The following AMBRA1 variants were observed in gnomAD, a reference collection of about 807,000 sequenced individuals.
The protein encoded by AMBRA1 is activating molecule in BECN1-regulated autophagy protein 1.
Under a neutral mutation model 125.4 loss-of-function variants are expected in AMBRA1, and 47 were observed. The ratio of observed to expected loss-of-function variants is 0.37; its 90% CI spans 0.30 to 0.48. The LOEUF is 0.48. AMBRA1 is among the 20% of genes least tolerant of loss of function. The pLI is 0.99. For synonymous variants in AMBRA1, 626 were observed against 655.5 expected (o/e 0.95, Z 0.69); for missense variants, 1,331 against 1,693.4 (o/e 0.79, Z 3.76).
rs1171455887 is a variant in AMBRA1, at chr11:46,397,261, C to A, written c.*189G>T. The stretch of plus-strand genomic sequence containing the variant: ...TCCAGATCCTGGAAGGTTCTAGTTC[C>A]CCGAGGCAGGCCTTGCCCATTTGAC... On this transcript the variant is annotated 3_prime_UTR_variant, in exon 18 of 18. Coordinates refer to ENST00000683756, the MANE Select transcript of AMBRA1 (RefSeq NM_001387011.1). 1 of 707,898 alleles carries A rather than the reference C, an allele frequency of 1.4e-6. No homozygotes were observed. The highest frequency in any genetic ancestry group is 2.0e-6 in the Non-Finnish European group (1 of 500,128). The allele number at this position is 707,898 out of a possible 1,614,324, so 43.9% of individuals were successfully genotyped here.
Position 46,572,871 on chromosome 11 carries a change from C to T in AMBRA1, c.-121+20957G>A, listed in dbSNP as rs535384395. Among the ~76,000 whole-genome samples, 4 of 152,000 alleles carry T rather than the reference C, an allele frequency of 2.6e-5. No homozygotes were observed. In the South Asian group the frequency reaches 8.3e-4, roughly 32 times the overall value. ...CACTTTGGGAGGCTGAAGTGGATCA[C>T]CTGAGATCAGGAGTTCAAGACCAGC... On this transcript the variant is annotated intron_variant, in intron 1 of 17. Transcript: ENST00000683756.
intron 9 of AMBRA1, among the ~76,000 whole-genome samples, chr11:46,498,007 A>T (rs1373598041): frequency 6.6e-6 from 1 of 152,136 alleles, no homozygotes; most frequent in Non-Finnish European, 1.5e-5. Flanking sequence ...TACTTAGAAA[A>T]CTACACAGAA....
rs117925059 is a variant in AMBRA1 at position 46,554,388 on chromosome 11, C to A, written c.-120-5888G>T. 9.2e-5 allele frequency among the ~76,000 whole-genome samples: 14 copies of A among 152,160 alleles called. No homozygotes were observed. In the East Asian group the frequency reaches 2.7e-3, roughly 29 times the overall value. ...ACTGTGATGCAACCTCAGATTCCTA[C>A]AGGATTCAGAAAGGGGAAAGAGTAG... is the stretch of plus-strand genomic sequence containing the variant. On this transcript the variant is annotated intron_variant, in intron 1 of 17. Transcript: ENST00000683756.
At chr11:46,455,844 C>T (rs1053046701) in intron 11 of AMBRA1, among the ~76,000 whole-genome samples, 1 of 152,184 alleles carries the variant, frequency 6.6e-6, no homozygotes, top group African/African-American at 2.4e-5. Flanking sequence ...CCTCCCATGA[C>T]ACTGAAACCC....
At chr11:46,405,443 G>A (rs1414816033) in intron 17 of AMBRA1, among the ~76,000 whole-genome samples, 1 of 152,220 alleles carries the variant, frequency 6.6e-6, no homozygotes, top group African/African-American at 2.4e-5. Flanking sequence ...GCCCAGCCGG[G>A]TGCAGTGCTT....
intron 7 of AMBRA1, among the ~76,000 whole-genome samples, chr11:46,516,555 C>T (rs1194008953): frequency 6.6e-6 from 1 of 151,650 alleles, no homozygotes; most frequent in South Asian, 2.1e-4. Context: ...CTCAGCCTCC[C>T]AAGTAGCTGG....
At chr11:46,517,396 G>A (rs1230087282) in intron 7 of AMBRA1, among the ~76,000 whole-genome samples, 24 of 145,872 alleles carry the variant, frequency 1.6e-4, no homozygotes, top group African/African-American at 3.8e-4. Flanking sequence ...TGATCCACCC[G>A]CCTCGGCCTC....
chr11:46,537,311 G>A (rs980589315), intron 7 of AMBRA1, among the ~76,000 whole-genome samples: 5 of 152,158 alleles, frequency 3.3e-5, no homozygotes, highest in East Asian at 1.9e-4. Flanking sequence ...CAAATGAAAC[G>A]GAGGAAAGGG....
At chr11:46,534,632 A>G (rs1952381369) in intron 7 of AMBRA1, among the ~76,000 whole-genome samples, 1 of 152,200 alleles carries the variant, frequency 6.6e-6, no homozygotes, top group African/African-American at 2.4e-5. Context: ...AGGAAGAACC[A>G]AACTCATCCA....
At chr11:46,496,824 G>C (rs987973842) in intron 9 of AMBRA1, among the ~76,000 whole-genome samples, 1 of 150,876 alleles carries the variant, frequency 6.6e-6, no homozygotes, top group South Asian at 2.1e-4. Context: ...AAAAAAAAGG[G>C]AAGGGGGCTG....
At chr11:46,492,110 G>A (rs113981669) in intron 11 of AMBRA1, among the ~76,000 whole-genome samples, 2 of 152,298 alleles carry the variant, frequency 1.3e-5, no homozygotes, top group Non-Finnish European at 2.9e-5. Flanking sequence ...GAAGTGCCAG[G>A]CAAGGAGAGG....
chr11:46,505,652 A>G (rs893300614), intron 9 of AMBRA1, among the ~76,000 whole-genome samples: 1 of 113,998 alleles, frequency 8.8e-6, no homozygotes, highest in Admixed American at 1.3e-4. Flanking sequence ...ATGTAAATTC[A>G]GGTCATGCTA....
rs1289396992 is a variant in AMBRA1, at chr11:46,468,694, C to T, written c.2521+24914G>A. 2.6e-5 allele frequency among the ~76,000 whole-genome samples: 4 copies of T among 151,438 alleles called. No homozygotes were observed. In the East Asian group the frequency reaches 7.7e-4, roughly 29 times the overall value. On this transcript the variant is annotated intron_variant, in intron 11 of 17. Transcript: ENST00000683756. ...GGGTGTGGTGGCGGGCGCCTGTAGT[C>T]CCCGTTACTCAGGAGGCTGAGGCAG...
chr11:46,545,471 A>AT, intron 5 of AMBRA1, 133 bp downstream of exon 5: 2 of 1,061,548 alleles, frequency 1.9e-6, no homozygotes, highest in Non-Finnish European at 2.7e-6. Flanking sequence ...CAAAAAAAAA[A>AT]TAGGAGGAGC....
chr11:46,516,648 T>C (rs895048477), intron 7 of AMBRA1, among the ~76,000 whole-genome samples: 1 of 152,084 alleles, frequency 6.6e-6, no homozygotes, highest in African/African-American at 2.4e-5. Flanking sequence ...TTAGCCAGGA[T>C]GGTCTTGATC....
chr11:46,398,876 C>A (rs1455078941), intron 17 of AMBRA1, among the ~76,000 whole-genome samples: 1 of 152,072 alleles, frequency 6.6e-6, no homozygotes, highest in African/African-American at 2.4e-5. Context: ...CGGGTTCAAG[C>A]AATTATCCTG....
At chr11:46,421,438 A>C (rs1051353912) in intron 14 of AMBRA1, among the ~76,000 whole-genome samples, 1 of 152,308 alleles carries the variant, frequency 6.6e-6, no homozygotes, top group Middle Eastern at 3.4e-3. Context: ...CCTGATAAGC[A>C]CTTGCTTGCT....
intron 5 of AMBRA1, among the ~76,000 whole-genome samples, chr11:46,544,834 C>T (rs958254646): frequency 1.3e-5 from 2 of 152,086 alleles, no homozygotes; most frequent in East Asian, 1.9e-4. Context: ...AAGCAGGAGG[C>T]GGCCAGGTGC....
At chr11:46,565,495 C>T (rs1374480143) in intron 1 of AMBRA1, among the ~76,000 whole-genome samples, 1 of 150,882 alleles carries the variant, frequency 6.6e-6, no homozygotes, top group Non-Finnish European at 1.5e-5. Flanking sequence ...TTGCTTGAGC[C>T]CAAGAGTTCA....
Sources: allele counts gnomAD v4.1 joint callset (sites outside exome capture counted in the v4.1 genomes callset), GRCh38; gene constraint gnomAD v4.1.1; transcripts MANE v1.5; gene names NCBI Gene and HGNC (gene_info 2026-07-23, HGNC 2026-07-21).